The following CCDC171 variants were observed in gnomAD, a reference collection of about 807,000 sequenced individuals.
CCDC171 encodes the protein coiled-coil domain containing 171, also known as coiled-coil domain-containing protein 171.
CCDC171 carries 177 observed loss-of-function variants against 168.2 expected under a neutral mutation model. The observed-to-expected ratio is 1.05, with a 90% CI of 0.93 to 1.19. CCDC171 has a LOEUF of 1.19. Among genes scored for constraint, CCDC171 ranks in the 50% most tolerant of loss-of-function variants. The pLI is 0.00. For missense variants in CCDC171, 1,991 were observed against 1,539.0 expected, an observed-to-expected ratio of 1.29 and a Z score of -4.91; for synonymous variants, 687 against 540.8, an observed-to-expected ratio of 1.27 and a Z score of -3.75.
intron 25 of CCDC171, among the ~76,000 whole-genome samples, chr9:15,952,609 C>G (rs1209273896): frequency 6.6e-6 from 1 of 152,048 alleles, no homozygotes; most frequent in African/African-American, 2.4e-5. Flanking sequence ...GTTGGTCAGG[C>G]TGGTCTTGAA....
chr9:16,084,235 C>G, the CCDC171 span, among the ~76,000 whole-genome samples: 5 of 152,098 alleles, frequency 3.3e-5, no homozygotes, highest in East Asian at 1.9e-4. Context: ...AGGAGTACCC[C>G]CTTGGTGGCT....
chr9:16,013,206 T>A (rs1244618739), intron 3 of CCDC171, among the ~76,000 whole-genome samples: 1 of 152,186 alleles, frequency 6.6e-6, no homozygotes, highest in Non-Finnish European at 1.5e-5. Context: ...GTTTAGTCTG[T>A]TCCTAAGGCC....
chr9:15,800,125 TA>T (rs2058749579), intron 21 of CCDC171, among the ~76,000 whole-genome samples: 1 of 152,182 alleles, frequency 6.6e-6, no homozygotes, highest in Admixed American at 6.5e-5. Flanking sequence ...CTTTTGGGTA[TA>T]TACCCAGCAG....
intron 25 of CCDC171, 79 bp downstream of exon 25, chr9:15,920,501 A>G (rs1310687269): frequency 1.9e-6 from 2 of 1,025,940 alleles, no homozygotes; most frequent in Non-Finnish European, 2.8e-6. Flanking sequence ...AATGTTCATA[A>G]GATCATTTGC....
chr9:15,972,016 T>C lies in CCDC171; in HGVS notation c.*180T>C. 1 of 529,792 alleles carries C rather than the reference T, an allele frequency of 1.9e-6. No individual in the cohort carries two copies. Among genetic ancestry groups the C allele is most frequent in the Non-Finnish European group, 3.3e-6 (1 of 302,542 alleles). The allele number at this position is 529,792 out of a possible 1,614,324, so 32.8% of individuals were successfully genotyped here. On this transcript the variant is annotated 3_prime_UTR_variant, in exon 26 of 26. Transcript: ENST00000380701. ...CCTTGAATAAGGAAATAGCCAACTT[T>C]TTTCTCTCCAAGTTTTATTTGTTAT...
intron 11 of CCDC171, among the ~76,000 whole-genome samples, chr9:15,709,341 G>C (rs968401902): frequency 6.6e-6 from 1 of 152,136 alleles, no homozygotes; most frequent in African/African-American, 2.4e-5. Flanking sequence ...AAAATCTACA[G>C]TCTACAATTA....
At chr9:15,977,748 C>A (rs187360249), downstream of CCDC171, among the ~76,000 whole-genome samples, 103 of 152,264 alleles carry the variant, frequency 6.8e-4, no homozygotes, top group African/African-American at 2.3e-3. Context: ...TTATTTAGAT[C>A]TGAAGAAGAC....
chr9:15,805,072 T>G (rs975426687), intron 21 of CCDC171, among the ~76,000 whole-genome samples: 3 of 152,192 alleles, frequency 2.0e-5, no homozygotes, highest in African/African-American at 7.2e-5. Context: ...GTGATGGTTG[T>G]TTGTATTTCT....
chr9:15,650,344 C>G (rs947353282), intron 7 of CCDC171, among the ~76,000 whole-genome samples: 9 of 151,960 alleles, frequency 5.9e-5, no homozygotes, highest in African/African-American at 2.2e-4. Context: ...CACGTGTATA[C>G]ATATGTAACA....
Position 15,575,157 on chromosome 9 carries a change from CTTTTTTTTTTTTT to C in CCDC171, c.177+3412_177+3424del, listed in dbSNP as rs57272096. 1.5e-4 allele frequency among the ~76,000 whole-genome samples: 13 copies of C among 86,910 alleles called. No homozygotes were observed. The South Asian group carries it at 3.4e-3, about 23-fold the overall frequency. The allele number at this position is 86,910 out of a possible 152,430, so 57.0% of individuals were successfully genotyped here. On this transcript the variant is annotated intron_variant, in intron 3 of 25. Transcript: ENST00000380701. Reference sequence around the variant, plus strand: ...AGGGTAAAGGAGAGTGACATAACTACTTTTTTTTTTTTTTTTTTTTTTTTTTGAAACAGGGTCT... The same window carrying C: ...AGGGTAAAGGAGAGTGACATAACTACTTTTTTTTTTTTTGAAACAGGGTCT...
At chr9:15,617,438 G>A (rs1360036879) in intron 6 of CCDC171, among the ~76,000 whole-genome samples, 7 of 150,640 alleles carry the variant, frequency 4.6e-5, no homozygotes, top group Non-Finnish European at 8.9e-5. Context: ...ATGCAGTGGC[G>A]TGATCTCGGC....
intron 7 of CCDC171, among the ~76,000 whole-genome samples, chr9:15,630,731 C>T (rs970627903): frequency 3.3e-5 from 5 of 152,196 alleles, no homozygotes; most frequent in African/African-American, 1.2e-4. Flanking sequence ...ACATTTTTTT[C>T]AGCACCACAC....
intron 3 of CCDC171, among the ~76,000 whole-genome samples, chr9:16,016,426 T>A (rs1472160098): frequency 1.3e-5 from 2 of 152,052 alleles, no homozygotes; most frequent in Admixed American, 6.5e-5. Context: ...AGTGAATGAA[T>A]GAAAGAAAGA....
intron 3 of CCDC171, among the ~76,000 whole-genome samples, chr9:15,987,006 C>T (rs1832010606): frequency 6.6e-6 from 1 of 151,948 alleles, no homozygotes; most frequent in Non-Finnish European, 1.5e-5. Flanking sequence ...TATTTAAATA[C>T]TTAAAAATGA....
chr9:15,778,643 C>CA (rs527592822), intron 19 of CCDC171, among the ~76,000 whole-genome samples: 21,660 of 58,588 alleles, frequency 0.37, 4,604 homozygotes, highest in Middle Eastern at 0.44. Context: ...AAGACTGTCT[C>CA]AAAAAAAAAA....
At chr9:15,608,805 T>C (rs1033950389) in intron 6 of CCDC171, among the ~76,000 whole-genome samples, 3 of 149,944 alleles carry the variant, frequency 2.0e-5, no homozygotes, top group African/African-American at 7.4e-5. Context: ...AAAAAGTATA[T>C]ATATTAGCCA....
intron 3 of CCDC171, among the ~76,000 whole-genome samples, chr9:15,984,685 G>C (rs1831928123): frequency 6.6e-6 from 1 of 151,986 alleles, no homozygotes; most frequent in Admixed American, 6.6e-5. Flanking sequence ...TGGTTTTATA[G>C]AATATTTATC....
intron 9 of CCDC171, among the ~76,000 whole-genome samples, chr9:15,667,937 T>C (rs2048848405): frequency 6.6e-6 from 1 of 152,256 alleles, no homozygotes; most frequent in African/African-American, 2.4e-5. Context: ...TTTGAACCAT[T>C]GCTTGAATGC....
At chr9:15,737,470 A>T (rs1312723804) in intron 16 of CCDC171, among the ~76,000 whole-genome samples, 1 of 152,174 alleles carries the variant, frequency 6.6e-6, no homozygotes. Context: ...CACAGAAAGA[A>T]GGGAGATATA....
Sources: allele counts gnomAD v4.1 joint callset (sites outside exome capture counted in the v4.1 genomes callset), GRCh38; gene constraint gnomAD v4.1.1; transcripts MANE v1.5; gene names NCBI Gene and HGNC (gene_info 2026-07-23, HGNC 2026-07-21).